The following CACNA2D3 variants were observed in gnomAD, a reference collection of about 807,000 sequenced individuals.
The protein encoded by CACNA2D3 is voltage-dependent calcium channel subunit alpha-2/delta-3.
Under a neutral mutation model 160.6 loss-of-function variants are expected in CACNA2D3, and 60 were observed. The observed-to-expected ratio is 0.37, with a 90% CI of 0.30 to 0.46. The LOEUF (loss-of-function observed/expected upper bound fraction) is 0.46. Ranked by LOEUF, CACNA2D3 falls within the 20% of genes least tolerant of loss-of-function variation. CACNA2D3 has a pLI of 1.00. For missense variants in CACNA2D3, 1,205 were observed against 1,365.0 expected (o/e 0.88, Z 1.85); for synonymous variants, 558 against 492.9 (o/e 1.13, Z -1.75).
chr3:55,009,346 TG>T, intron 33 of CACNA2D3, 41 bp from the exon 34 acceptor site: 1 of 1,563,146 alleles, frequency 6.4e-7, no homozygotes, highest in Middle Eastern at 1.7e-4. Flanking sequence ...GATATGGGCA[TG>T]GATGACGAAG....
intron 9 of CACNA2D3, among the ~76,000 whole-genome samples, chr3:54,593,395 GA>G (rs1338481123): frequency 2.6e-5 from 4 of 151,912 alleles, no homozygotes; most frequent in African/African-American, 9.7e-5. Context: ...GAAAGAAGGA[GA>G]GGGGAGGACA....
At chr3:54,514,575 C>T (rs1223145563) in intron 5 of CACNA2D3, among the ~76,000 whole-genome samples, 3 of 152,056 alleles carry the variant, frequency 2.0e-5, no homozygotes, top group South Asian at 2.1e-4. Flanking sequence ...GGAAGGCAGG[C>T]GGGAAGTCAG....
intron 4 of CACNA2D3, among the ~76,000 whole-genome samples, chr3:54,489,812 A>G (rs973596949): frequency 5.3e-5 from 8 of 152,230 alleles, no homozygotes; most frequent in Non-Finnish European, 1.5e-5. Flanking sequence ...AGATGGCTGG[A>G]AGAGGGCTAT....
At chr3:54,505,636 T>G (rs915629596) in intron 5 of CACNA2D3, among the ~76,000 whole-genome samples, 2 of 152,220 alleles carry the variant, frequency 1.3e-5, no homozygotes, top group African/African-American at 2.4e-5. Context: ...GCCATCTTCT[T>G]GGCATTCAAT....
intron 11 of CACNA2D3, among the ~76,000 whole-genome samples, chr3:54,704,458 T>C (rs1268170072): frequency 7.1e-6 from 1 of 140,476 alleles, no homozygotes; most frequent in Non-Finnish European, 1.6e-5. Flanking sequence ...TCCCTCTTTT[T>C]TTTAATACCT....
At chr3:54,143,425 A>G (rs1699971787) in intron 2 of CACNA2D3, among the ~76,000 whole-genome samples, 1 of 152,218 alleles carries the variant, frequency 6.6e-6, no homozygotes, top group African/African-American at 2.4e-5. Context: ...TTTGGAAATA[A>G]TGGATAAATC....
chr3:54,565,877 A>ATCAGGCTT (rs1702401986), intron 6 of CACNA2D3, among the ~76,000 whole-genome samples: 1 of 152,104 alleles, frequency 6.6e-6, no homozygotes, highest in South Asian at 2.1e-4. Flanking sequence ...ATCCTGAACC[A>ATCAGGCTT]TCAGGCTTTC....
intron 2 of CACNA2D3, among the ~76,000 whole-genome samples, chr3:54,309,131 C>G (rs909936617): frequency 6.6e-6 from 1 of 152,218 alleles, no homozygotes; most frequent in African/African-American, 2.4e-5. Flanking sequence ...GATGCCCATG[C>G]AGGAATCTAG....
At chr3:54,921,898 A>G (rs369815568) in intron 27 of CACNA2D3, among the ~76,000 whole-genome samples, 3 of 148,814 alleles carry the variant, frequency 2.0e-5, no homozygotes, top group Admixed American at 6.7e-5. Context: ...TAGTGTTTGC[A>G]TTTGTTTATA....
chr3:54,962,329 AT>A (rs1702049582), intron 27 of CACNA2D3, among the ~76,000 whole-genome samples: 2 of 152,302 alleles, frequency 1.3e-5, no homozygotes, highest in South Asian at 4.1e-4. Flanking sequence ...GCTCACTGAT[AT>A]AACACTCTAA....
At chr3:54,372,624 A>G (rs1472173771) in intron 3 of CACNA2D3, among the ~76,000 whole-genome samples, 2 of 152,146 alleles carry the variant, frequency 1.3e-5, no homozygotes, top group Non-Finnish European at 2.9e-5. Flanking sequence ...ATCTTTTATC[A>G]CTTGCATATG....
intron 11 of CACNA2D3, among the ~76,000 whole-genome samples, chr3:54,647,409 A>G (rs73842224): frequency 0.042 from 6,399 of 152,274 alleles, 168 homozygotes; most frequent in African/African-American, 0.049. Context: ...TTGTGATTCT[A>G]TGGGTTAACT....
chr3:55,054,053 A>T (rs1704301605), intron 35 of CACNA2D3, among the ~76,000 whole-genome samples: 1 of 144,650 alleles, frequency 6.9e-6, no homozygotes, highest in African/African-American at 2.6e-5. Flanking sequence ...ATATACTTTT[A>T]AGCTTTTTTT....
At chr3:54,531,101 A>G (rs910074292) in intron 5 of CACNA2D3, among the ~76,000 whole-genome samples, 3 of 152,224 alleles carry the variant, frequency 2.0e-5, no homozygotes, top group African/African-American at 7.2e-5. Context: ...TTAAGATGTG[A>G]TGGTTTGCTC....
intron 35 of CACNA2D3, among the ~76,000 whole-genome samples, chr3:55,068,461 T>C (rs972354960): frequency 1.3e-5 from 2 of 152,222 alleles, no homozygotes; most frequent in Non-Finnish European, 2.9e-5. Flanking sequence ...GTCCATTTAC[T>C]CTAGTCTAAC....
At chr3:54,186,662 G>T (rs1481461810) in intron 2 of CACNA2D3, among the ~76,000 whole-genome samples, 1 of 151,896 alleles carries the variant, frequency 6.6e-6, no homozygotes, top group East Asian at 1.9e-4. Flanking sequence ...TAAGATAATA[G>T]AACTGCATTT....
intron 11 of CACNA2D3, among the ~76,000 whole-genome samples, chr3:54,645,108 A>G (rs1699608673): frequency 1.3e-5 from 2 of 152,236 alleles, no homozygotes. Flanking sequence ...TTGACTCACA[A>G]TTGTGCATGG....
intron 35 of CACNA2D3, among the ~76,000 whole-genome samples, chr3:55,043,268 T>C (rs6792966): frequency 0.21 from 31,924 of 151,788 alleles, 3,630 homozygotes; most frequent in African/African-American, 0.28. Context: ...CCTTGCCAGC[T>C]CTTGGTATTA....
At chr3:54,672,600 G>GTT (rs1262458363) in intron 11 of CACNA2D3, among the ~76,000 whole-genome samples, 1 of 152,242 alleles carries the variant, frequency 6.6e-6, no homozygotes, top group East Asian at 1.9e-4. Context: ...ACCTGAACAC[G>GTT]TTGGTTGTTT....
Sources: allele counts gnomAD v4.1 joint callset (sites outside exome capture counted in the v4.1 genomes callset), GRCh38; gene constraint gnomAD v4.1.1; transcripts MANE v1.5; gene names NCBI Gene and HGNC (gene_info 2026-07-23, HGNC 2026-07-21).